The following DICER1 variants were observed in gnomAD, a reference collection of about 807,000 sequenced individuals.
DICER1 encodes dicer 1, ribonuclease III, also known as endoribonuclease Dicer.
A neutral mutation model predicts 194.1 loss-of-function variants in DICER1; 43 were observed. That is an observed-to-expected ratio of 0.22 (90% CI 0.17 to 0.29). The LOEUF is 0.29. Ranked by LOEUF, DICER1 falls within the 10% of genes least tolerant of loss-of-function variation. DICER1 has a pLI of 1.00. For synonymous variants in DICER1, 832 were observed against 820.5 expected, an observed-to-expected ratio of 1.01 and a Z score of -0.24; for missense variants, 1,608 against 2,317.0, an observed-to-expected ratio of 0.69 and a Z score of 6.28.
intron 7 of DICER1, 85 bp downstream of exon 7, chr14:95,126,495 C>T (rs764979436): frequency 3.8e-5 from 33 of 864,586 alleles, no homozygotes; most frequent in Admixed American, 2.7e-4. Flanking sequence ...AGAAAAGAGC[C>T]GCATTAAGCA....
chr14:95,090,930 C>G, intron 26 of DICER1, 104 bp downstream of exon 26: 2 of 1,134,684 alleles, frequency 1.8e-6, no homozygotes, highest in Non-Finnish European at 2.6e-6. Flanking sequence ...CAGCACACCA[C>G]AGTGTAAATA....
In DICER1 at chr14:95,087,371, C is replaced by T. The variant is rs1214703181; in HGVS notation, c.*3127G>A. On this transcript the variant is annotated 3_prime_UTR_variant, in exon 27 of 27. Transcript: ENST00000343455. ...AGAAATATAACAAACATTTTAAAAA[C>T]ATAATTAAGAGTTCAGTTAACAAAT... 4.3e-6 allele frequency: 1 copy of T among 233,070 alleles called. No individual in the cohort carries two copies. Among genetic ancestry groups the T allele is most frequent in the Non-Finnish European group, 8.5e-6 (1 of 117,856 alleles). 14.4% of individuals were successfully genotyped at this position (233,070 alleles called of 1,614,324 possible).
At chr14:95,118,164 T>A (rs954765051) in intron 8 of DICER1, among the ~76,000 whole-genome samples, 4 of 152,102 alleles carry the variant, frequency 2.6e-5, no homozygotes, top group African/African-American at 7.2e-5. Context: ...TTCTACTAGC[T>A]CATCTCTCAA....
At chr14:95,145,093 T>G (rs1268369190) in intron 1 of DICER1, among the ~76,000 whole-genome samples, 1 of 152,244 alleles carries the variant, frequency 6.6e-6, no homozygotes, top group Admixed American at 6.5e-5. Flanking sequence ...TATATGAGCC[T>G]CTAAATCTAA....
rs1262938353 is a variant in DICER1, at chr14:95,087,802, A to G, written c.*2696T>C. On this transcript the variant is annotated 3_prime_UTR_variant, in exon 27 of 27. Coordinates refer to ENST00000343455, the MANE Select transcript of DICER1 (RefSeq NM_177438.3). Reference sequence around the variant, plus strand: ...GACACGCCTCCCCAGTCCTTTACACACGTGCTCAGGGCACAACCACACCCC... The same window carrying G: ...GACACGCCTCCCCAGTCCTTTACACGCGTGCTCAGGGCACAACCACACCCC... 4.3e-6 allele frequency: 1 copy of G among 233,152 alleles called. No individual in the cohort carries two copies. Among genetic ancestry groups the G allele is most frequent in the Non-Finnish European group, 8.5e-6 (1 of 118,048 alleles). The allele number at this position is 233,152 out of a possible 1,614,324, so 14.4% of individuals were successfully genotyped here. A position where few individuals can be genotyped will look rare whatever the true frequency, so the allele number is the denominator to read the frequency against.
intron 24 of DICER1, among the ~76,000 whole-genome samples, chr14:95,092,155 C>T (rs10151044): frequency 0.029 from 4,471 of 152,144 alleles, 215 homozygotes; most frequent in African/African-American, 0.1. Context: ...AGCGTGTGGC[C>T]CCTGAGCATC....
At chr14:95,157,001 G>C (rs989021077) in intron 1 of DICER1, among the ~76,000 whole-genome samples, 7 of 152,104 alleles carry the variant, frequency 4.6e-5, no homozygotes, top group Non-Finnish European at 8.8e-5. Context: ...GAGGCGCCGG[G>C]GTCCGGGCCC....
intron 11 of DICER1, among the ~76,000 whole-genome samples, chr14:95,114,651 T>C (rs1363159433): frequency 1.3e-5 from 2 of 152,156 alleles, no homozygotes; most frequent in African/African-American, 4.8e-5. Context: ...ATGAAATATC[T>C]ACTAATTATA....
In DICER1 at chr14:95,105,254, T is replaced by C; in HGVS notation, c.3094-8A>G. On this transcript the variant is annotated splice_polypyrimidine_tract_variant and splice_region_variant and intron_variant, in intron 19 of 26. Transcript: ENST00000343455. This position sits in a 1 kb window ranked among gnomAD's most constrained non-coding sequence, Gnocchi z 4.9. ...GAGTTCTGGAACCAGTATCTTCAAGTAAGGGGAAAAATGGACAGATAAATA... is the reference window on the plus strand; with the variant it reads ...GAGTTCTGGAACCAGTATCTTCAAGCAAGGGGAAAAATGGACAGATAAATA... The C allele has an allele frequency of 6.2e-7, 1 of 1,607,782 alleles. No individual in the cohort carries two copies. Among genetic ancestry groups the C allele is most frequent in the South Asian group, 1.1e-5 (1 of 90,924 alleles).
chr14:95,090,025 C>A lies in DICER1; in HGVS notation c.*473G>T. The A allele has an allele frequency of 3.5e-6, 1 of 283,564 alleles. No individual in the cohort carries two copies. The highest frequency in any genetic ancestry group is 6.7e-6 in the Non-Finnish European group (1 of 148,988). The allele number at this position is 283,564 out of a possible 1,614,324, so 17.6% of individuals were successfully genotyped here. Reference sequence around the variant, plus strand: ...TTGGCGCACTTCTCCTCTCGAAAACCTTATCTTTCTATTCAGCTTATCAAC... The same window carrying A: ...TTGGCGCACTTCTCCTCTCGAAAACATTATCTTTCTATTCAGCTTATCAAC... On this transcript the variant is annotated 3_prime_UTR_variant, in exon 27 of 27. Coordinates refer to ENST00000343455, the MANE Select transcript of DICER1 (RefSeq NM_177438.3).
chr14:95,104,988 A>G, intron 20 of DICER1, 83 bp downstream of exon 20: 1 of 1,326,352 alleles, frequency 7.5e-7, no homozygotes, highest in South Asian at 1.2e-5. Context: ...GAATTATTTT[A>G]TATACAATTT....
At chr14:95,095,275 A>C (rs914138738) in intron 23 of DICER1, 1 of 160,776 alleles carries the variant, frequency 6.2e-6, no homozygotes, top group Non-Finnish European at 1.4e-5. Context: ...AGTCTATTAA[A>C]AGAGGGGCAA....
chr14:95,121,968 T>C (rs184791809), intron 8 of DICER1, among the ~76,000 whole-genome samples: 3 of 152,284 alleles, frequency 2.0e-5, no homozygotes, highest in East Asian at 1.9e-4. Flanking sequence ...CTATTCACTA[T>C]AGAAGGGTTT....
Position 95,108,001 on chromosome 14 carries a change from A to C in DICER1, c.2529T>G (p.Leu843=), listed in dbSNP as rs780681173. The C allele has an allele frequency of 6.2e-7, 1 of 1,613,526 alleles. No individual in the cohort carries two copies. Among genetic ancestry groups the C allele is most frequent in the South Asian group, 1.1e-5 (1 of 91,076 alleles). ...KSGFMLSLQM[L]ELITRLHQYI... Reference sequence around the variant, plus strand: ...ACTGGTGAAGTCTTGTAATCAACTCAAGCATTTGTAGAGACAACATGAAAC... The same window carrying C: ...ACTGGTGAAGTCTTGTAATCAACTCCAGCATTTGTAGAGACAACATGAAAC... The change falls in exon 16 of 27, where the codon CTT becomes CTG. Residue 843 remains leucine (L), a synonymous_variant. Transcript: ENST00000343455.
intron 1 of DICER1, among the ~76,000 whole-genome samples, chr14:95,148,993 A>G (rs1273689790): frequency 6.8e-6 from 1 of 147,406 alleles, no homozygotes; most frequent in Non-Finnish European, 1.5e-5. Context: ...GCACCATCAG[A>G]GCACATTACA....
intron 8 of DICER1, among the ~76,000 whole-genome samples, chr14:95,120,677 T>C (rs1457801986): frequency 1.3e-5 from 2 of 152,116 alleles, no homozygotes; most frequent in African/African-American, 2.4e-5. Context: ...CTGCAACAAT[T>C]TGAGCAACAA....
At chr14:95,119,480 G>T (rs1892758780) in intron 8 of DICER1, among the ~76,000 whole-genome samples, 1 of 152,238 alleles carries the variant, frequency 6.6e-6, no homozygotes, top group Non-Finnish European at 1.5e-5. Flanking sequence ...ACAGGCTTCA[G>T]GGAAAACAAA....
In DICER1 at chr14:95,124,058, C is replaced by A; in HGVS notation, c.1376+138G>T. ...CTCTGTCAATCCCAGGACAGCATGA[C>A]GTATCAGCAATGATGGCGCCAAGTC... On this transcript the variant is annotated intron_variant, in intron 8 of 26. Transcript: ENST00000343455. This position sits in a 1 kb window ranked among gnomAD's most constrained non-coding sequence, Gnocchi z 4.5. The A allele has an allele frequency of 8.9e-6, 6 of 674,642 alleles. No homozygotes were observed. The highest frequency in any genetic ancestry group is 1.6e-5 in the Non-Finnish European group (6 of 381,418). The allele number at this position is 674,642 out of a possible 1,614,324, so 41.8% of individuals were successfully genotyped here.
intron 17 of DICER1, among the ~76,000 whole-genome samples, chr14:95,106,928 A>G (rs1179357192): frequency 3.9e-5 from 6 of 152,238 alleles, no homozygotes; most frequent in African/African-American, 1.4e-4. Context: ...GCCTATCAAC[A>G]TTAGATTATC....
Sources: gnomAD v4.1 joint callset for allele counts (sites outside exome capture counted in the v4.1 genomes callset) on GRCh38, gnomAD v4.1.1 for gene constraint, Gnocchi (gnomAD v3.1) non-coding constraint, MANE v1.5 for transcripts, NCBI Gene and HGNC (gene_info 2026-07-23, HGNC 2026-07-21) for gene names.